Variants in ADAMTS13 observed in about 807,000 individuals in gnomAD.
ADAMTS13 encodes ADAM metallopeptidase with thrombospondin type 1 motif 13.
A neutral mutation model predicts 155.1 loss-of-function variants in ADAMTS13; 110 were observed. The observed-to-expected ratio is 0.71, with a 90% CI of 0.61 to 0.83. The LOEUF is 0.83. Among genes scored for constraint, ADAMTS13 ranks in the 40% least tolerant of loss-of-function variants. ADAMTS13 has a pLI of 0.00. For synonymous variants in ADAMTS13, 758 were observed against 756.4 expected (o/e 1.00, Z -0.03); for missense variants, 1,707 against 1,891.7 (o/e 0.90, Z 1.81).
rs1236379320 is a variant in ADAMTS13, at chr9:133,440,105, G to GC, written c.1787-237dup. 6.6e-6 allele frequency among the ~76,000 whole-genome samples: 1 copy of GC among 152,270 alleles called. No homozygotes were observed. Among genetic ancestry groups the GC allele is most frequent in the Non-Finnish European group, 1.5e-5 (1 of 68,048 alleles). ...TTTGAAGCCTTGGTTGCCGGCACTT[G>GC]CCATGGGGTCCCTGAGCCCTGAGCC... On this transcript the variant is annotated intron_variant, in intron 15 of 28. Transcript: ENST00000355699. This position sits in a 1 kb window ranked among gnomAD's most constrained non-coding sequence, Gnocchi z 4.3.
chr9:133,456,537 T>C lies in ADAMTS13; in HGVS notation c.3548-6T>C. 1 of 1,612,856 alleles carries C rather than the reference T, an allele frequency of 6.2e-7. No homozygotes were observed. The highest frequency in any genetic ancestry group is 8.5e-7 in the Non-Finnish European group (1 of 1,179,800). On this transcript the variant is annotated splice_region_variant and splice_polypyrimidine_tract_variant and intron_variant, in intron 26 of 28. Coordinates refer to ENST00000355699, the MANE Select transcript of ADAMTS13 (RefSeq NM_139027.6). The surrounding 1 kb of genome is among the most constrained non-coding windows in gnomAD (Gnocchi z 4.4). The stretch of plus-strand genomic sequence containing the variant: ...GCTGGACCCTCACTGCCCTGCCGCT[T>C]CCTAGGGGACATGTTGCTGCTTTGG...
At chr9:133,451,537 T>A (rs587709750) in intron 23 of ADAMTS13, among the ~76,000 whole-genome samples, 1 of 152,318 alleles carries the variant, frequency 6.6e-6, no homozygotes, top group South Asian at 2.1e-4. Context: ...GGATTACAGA[T>A]GTGAGCCATC....
intron 8 of ADAMTS13, among the ~76,000 whole-genome samples, chr9:133,430,931 A>AT (rs1452008107): frequency 5.3e-5 from 8 of 151,990 alleles, no homozygotes; most frequent in African/African-American, 1.7e-4. Flanking sequence ...AAGTGCTGGG[A>AT]TTACAGGCAT....
chr9:133,452,526 A>G (rs587667695), intron 23 of ADAMTS13, among the ~76,000 whole-genome samples: 1 of 152,196 alleles, frequency 6.6e-6, no homozygotes, highest in South Asian at 2.1e-4. Flanking sequence ...TTTCCACATC[A>G]CATTTAGAGA....
chr9:133,435,473 G>A (rs1432897926), intron 11 of ADAMTS13, among the ~76,000 whole-genome samples: 1 of 151,090 alleles, frequency 6.6e-6, no homozygotes, highest in Non-Finnish European at 1.5e-5. Flanking sequence ...ACAGGCATGA[G>A]CCACCGCTCC....
intron 1 of ADAMTS13, 127 bp downstream of exon 1, chr9:133,422,675 G>T: frequency 1.1e-6 from 1 of 907,980 alleles, no homozygotes; most frequent in African/African-American, 1.6e-5. Flanking sequence ...GGGCAGGGGA[G>T]TCTGTACTTG....
Position 133,444,845 on chromosome 9 carries a change from G to A in ADAMTS13, c.2421-18G>A. ...GTGGCAGAGGCAGGGCCTGATGACTGTCTCATGCCATCCTCAGGTGGGAGG... is the reference window on the plus strand; with the variant it reads ...GTGGCAGAGGCAGGGCCTGATGACTATCTCATGCCATCCTCAGGTGGGAGG... On this transcript the variant is annotated intron_variant, in intron 19 of 28. Transcript: ENST00000355699. 1 of 1,612,138 alleles carries A rather than the reference G, an allele frequency of 6.2e-7. No individual in the cohort carries two copies. The highest frequency in any genetic ancestry group is 8.5e-7 in the Non-Finnish European group (1 of 1,179,846).
rs1842016851 is a variant in ADAMTS13, at chr9:133,445,734, C to T, written c.2646C>T (p.Ser882=). 1 of 1,612,428 alleles carries T rather than the reference C, an allele frequency of 6.2e-7. No individual in the cohort carries two copies. Among genetic ancestry groups the T allele is most frequent in the Non-Finnish European group, 8.5e-7 (1 of 1,179,352 alleles). ...DATSAGEKAP[S]PWGSIRTGAQ... is the part of the protein sequence containing the mutation. ...CCTCTGCAGGGGAGAAGGCTCCCTC[C>T]CCATGGGGCAGCATCAGGACGGGGG... The change falls in exon 21 of 29, where the codon TCC becomes TCT. Residue 882 remains serine (S), a synonymous_variant. Transcript: ENST00000355699. The surrounding 1 kb of genome is among the most constrained non-coding windows in gnomAD (Gnocchi z 5.0).
In ADAMTS13 at chr9:133,422,426, G is replaced by T. The variant is rs782338252; in HGVS notation, c.-18G>T. ...CCCCTCTCACTCCGCTCCACTCCTC[G>T]GGCTGGCTCTCCTGAGGATGCACCA... is the stretch of plus-strand genomic sequence containing the variant. On this transcript the variant is annotated 5_prime_UTR_variant, in exon 1 of 29. Transcript: ENST00000355699. 6.2e-7 allele frequency: 1 copy of T among 1,610,484 alleles called. No homozygotes were observed. Among genetic ancestry groups the T allele is most frequent in the Admixed American group, 1.7e-5 (1 of 60,012 alleles).
At chr9:133,443,331 G>A in intron 18 of ADAMTS13, 45 bp from the exon 19 acceptor site, 1 of 1,563,264 alleles carries the variant, frequency 6.4e-7, no homozygotes, top group Non-Finnish European at 8.6e-7. Flanking sequence ...CCCCAGGCCA[G>A]CCTGGGACCT....
Position 133,424,111 on chromosome 9 carries a change from C to T in ADAMTS13, c.173-210C>T, listed in dbSNP as rs1840119280. On this transcript the variant is annotated intron_variant, in intron 2 of 28. Coordinates refer to ENST00000355699, the MANE Select transcript of ADAMTS13 (RefSeq NM_139027.6). This position sits in a 1 kb window ranked among gnomAD's most constrained non-coding sequence, Gnocchi z 4.3. ...GGGAATCTTGTCTTGATGGGGTGAC[C>T]CAAAGCACACAATAGCCCAACAGCT... Among the ~76,000 whole-genome samples the T allele has an allele frequency of 6.6e-6, 1 of 152,224 alleles. No homozygotes were observed. Among genetic ancestry groups the T allele is most frequent in the African/African-American group, 2.4e-5 (1 of 41,460 alleles).
chr9:133,430,263 ATTAT>A (rs1426792335), intron 8 of ADAMTS13, 162 bp downstream of exon 8: 2 of 916,976 alleles, frequency 2.2e-6, no homozygotes, highest in Non-Finnish European at 3.4e-6. Context: ...CCCTCTAGAA[ATTAT>A]TTAAAATGTT....
Position 133,456,195 on chromosome 9 carries a change from G to A in ADAMTS13, c.3527G>A (p.Ser1176Asn), listed in dbSNP as rs782143486. The change falls in exon 26 of 29, where the codon AGT (serine) becomes AAT (asparagine). Residue 1176 changes from serine to asparagine, a missense_variant. Ser to Asn is a conservative substitution (Grantham distance 46, BLOSUM62 1). This residue lies in a region of ADAMTS13 where 961 missense variants were observed against 1,107.9 expected (regional missense o/e 0.87). Coordinates refer to ENST00000355699, the MANE Select transcript of ADAMTS13 (RefSeq NM_139027.6). This position sits in a 1 kb window ranked among gnomAD's most constrained non-coding sequence, Gnocchi z 4.4. ...GTGGTGACCCTCCGCGTCCTTGAGA[G>A]TTCTCTCAACTGCAGTGCGGGTATG... is the stretch of plus-strand genomic sequence containing the variant. ...GEVVTLRVLE[S>N]SLNCSAGDML... 8.1e-6 allele frequency: 13 copies of A among 1,613,578 alleles called. No individual in the cohort carries two copies. The highest frequency in any genetic ancestry group is 1.3e-5 in the African/African-American group (1 of 75,070).
At chr9:133,414,542 A>G (rs781972140) in exon 1 of ADAMTS13, 1 of 881,268 alleles carries the variant, frequency 1.1e-6, no homozygotes, top group Non-Finnish European at 1.9e-6. Context: ...TAAACAAAGG[A>G]ACAGACGACA....
intron 7 of ADAMTS13, 22 bp downstream of exon 7, chr9:133,428,793 G>A (rs1840475263): frequency 1.8e-5 from 23 of 1,284,910 alleles, no homozygotes; most frequent in Non-Finnish European, 2.2e-5. Flanking sequence ...CCCGTGGGAG[G>A]GGCGCGCGAG....
Position 133,439,355 on chromosome 9 carries a change from C to T in ADAMTS13, c.1706-11C>T, listed in dbSNP as rs1554790014. The T allele has an allele frequency of 1.9e-6, 3 of 1,603,960 alleles. No homozygotes were observed. The South Asian group carries it at 3.3e-5, about 18-fold the overall frequency. ...AGGTCCACGCATCTCTCCTTCTTTT[C>T]TTCTTTCTAGAATATGTCACGTTTC... On this transcript the variant is annotated splice_polypyrimidine_tract_variant and intron_variant, in intron 14 of 28. Transcript: ENST00000355699.
In ADAMTS13 at chr9:133,423,851, C is replaced by T. The variant is rs36218547; in HGVS notation, c.173-470C>T. Reference sequence around the variant, plus strand: ...ATAGCCTGGGTCCTTCCAGCGCTGCCGCTCCTGAAAGGCTGGGAGATCATT... The same window carrying T: ...ATAGCCTGGGTCCTTCCAGCGCTGCTGCTCCTGAAAGGCTGGGAGATCATT... On this transcript the variant is annotated intron_variant, in intron 2 of 28. Coordinates refer to ENST00000355699, the MANE Select transcript of ADAMTS13 (RefSeq NM_139027.6). Among the ~76,000 whole-genome samples, 473 of 152,374 alleles carry T rather than the reference C, an allele frequency of 3.1e-3. 1 individual carries two copies. Among genetic ancestry groups the T allele is most frequent in the African/African-American group, 0.011 (441 of 41,592 alleles).
chr9:133,414,976 CTT>C lies in ADAMTS13; in HGVS notation n.287+335_287+336del, dbSNP rs782206227. 3.8e-6 allele frequency: 6 copies of C among 1,598,358 alleles called. No individual in the cohort carries two copies. The South Asian group carries it at 6.9e-5, about 18-fold the overall frequency. ...AACCCATCTGAGAGATGACAAGAGGCTTTTCTGGGGCCTGAGATTTTTGTTTC... is the reference window on the plus strand; with the variant it reads ...AACCCATCTGAGAGATGACAAGAGGCTTCTGGGGCCTGAGATTTTTGTTTC... On this transcript the variant is annotated intron_variant and non_coding_transcript_variant, in intron 1 of 17. Coordinates refer to the ADAMTS13 transcript ENST00000485925.
intron 23 of ADAMTS13, among the ~76,000 whole-genome samples, chr9:133,452,898 C>T (rs189422474): frequency 1.4e-4 from 22 of 152,326 alleles, no homozygotes; most frequent in African/African-American, 4.8e-4. Context: ...TCTGTGCTAG[C>T]TCTCGCTGCC....
Sources: allele counts gnomAD v4.1 joint callset (sites outside exome capture counted in the v4.1 genomes callset), GRCh38; gene constraint gnomAD v4.1.1; regional missense constraint gnomAD v4.1.1; non-coding constraint Gnocchi (gnomAD v3.1); transcripts MANE v1.5; gene names NCBI Gene and HGNC (gene_info 2026-07-23, HGNC 2026-07-21).